The following CALN1 variants were observed in gnomAD, a reference collection of about 807,000 sequenced individuals.
CALN1 encodes calcium-binding protein 8.
Under a neutral mutation model 30.6 loss-of-function variants are expected in CALN1, and 17 were observed. The observed-to-expected ratio is 0.56, with a 90% CI of 0.38 to 0.83. The LOEUF is 0.83. Among genes scored for constraint, CALN1 ranks in the 40% least tolerant of loss-of-function variants. CALN1 has a pLI of 0.00. For missense variants in CALN1, 291 were observed against 354.9 expected, an observed-to-expected ratio of 0.82 and a Z score of 1.45; for synonymous variants, 156 against 131.4, an observed-to-expected ratio of 1.19 and a Z score of -1.28.
At position 72,403,265 on chromosome 7, in the gene CALN1, G is replaced by T. The variant is rs1285790616; in HGVS notation, c.105C>A (p.Pro35=). The change falls in exon 2 of 7, where the codon CCC becomes CCA. Residue 35 remains proline (P), a synonymous_variant. Coordinates refer to ENST00000395275, the MANE Select transcript of CALN1 (RefSeq NM_031468.4). The part of the protein sequence containing the change: ...GGEEPPRSQA[P]DFPTWEKMPF... ...AGAAGACTTGCCAGGTGGGGAAGTC[G>T]GGGGCCTGGCTCCTCGGCGGCTCCT... The T allele has an allele frequency of 1.3e-6, 2 of 1,549,350 alleles. No homozygotes were observed. The highest frequency in any genetic ancestry group is 8.7e-7 in the Non-Finnish European group (1 of 1,146,576).
At position 72,036,273 on chromosome 7, in the gene CALN1, CTCTT is replaced by C. The variant is rs1455451725; in HGVS notation, c.389-12508_389-12505del. ...CCTCTCTCTTACGGCTACAAAGATT[CTCTT>C]TGTCTTTGTCTTTTGAAAGCTGATA... is the stretch of plus-strand genomic sequence containing the variant. On this transcript the variant is annotated intron_variant, in intron 4 of 6. Transcript: ENST00000395275. Among the ~76,000 whole-genome samples the C allele has an allele frequency of 6.6e-5, 10 of 152,162 alleles. No individual in the cohort carries two copies. In the East Asian group the frequency reaches 1.9e-3, roughly 29 times the overall value.
At chr7:72,422,625 C>T (rs1372846384) in intron 1 of CALN1, among the ~76,000 whole-genome samples, 3 of 152,214 alleles carry the variant, frequency 2.0e-5, no homozygotes, top group Non-Finnish European at 4.4e-5. Context: ...TATTCCCTCC[C>T]AGTGAGATTC....
upstream of CALN1, among the ~76,000 whole-genome samples, chr7:72,413,742 CAT>C (rs1189635381): frequency 6.6e-6 from 1 of 151,322 alleles, no homozygotes; most frequent in African/African-American, 2.4e-5. Context: ...ACGCACAGCA[CAT>C]ATGCACACAC....
chr7:72,306,372 ATCTGTC>A (rs895640438), intron 2 of CALN1, among the ~76,000 whole-genome samples: 8 of 152,166 alleles, frequency 5.3e-5, no homozygotes, highest in Non-Finnish European at 1.2e-4. Context: ...TCATCTATCT[ATCTGTC>A]TCTAACGGCA....
intron 4 of CALN1, among the ~76,000 whole-genome samples, chr7:72,043,008 G>C (rs924412810): frequency 6.6e-6 from 1 of 152,140 alleles, no homozygotes; most frequent in Non-Finnish European, 1.5e-5. Context: ...AAAATTTATA[G>C]AAATAAACAT....
intron 5 of CALN1, among the ~76,000 whole-genome samples, chr7:71,879,835 G>C (rs1197709894): frequency 6.6e-6 from 1 of 152,166 alleles, no homozygotes; most frequent in Non-Finnish European, 1.5e-5. Context: ...GACTGAGAAG[G>C]AGTTTCTCAC....
chr7:72,126,545 G>C (rs1378541948), intron 3 of CALN1, among the ~76,000 whole-genome samples: 1 of 151,978 alleles, frequency 6.6e-6, no homozygotes, highest in Admixed American at 6.5e-5. Flanking sequence ...TGAGATTCTG[G>C]TGCACCTGTC....
rs1173448154 is a variant in CALN1, at chr7:71,978,262, C to CTATT, written c.501+45394_501+45395insAATA. On this transcript the variant is annotated intron_variant, in intron 5 of 6. Transcript: ENST00000395275. ...AAAAACTCAGGGACTCTAGAGAATT[C>CTATT]TTTTTTTTTTTTTTTTTTTTTTTTT... is the stretch of plus-strand genomic sequence containing the variant. 1.4e-4 allele frequency among the ~76,000 whole-genome samples: 10 copies of CTATT among 72,936 alleles called. 1 individual carries two copies. The highest frequency in any genetic ancestry group is 5.6e-4 in the South Asian group (1 of 1,798). 47.8% of individuals were successfully genotyped at this position (72,936 alleles called of 152,430 possible).
chr7:72,066,300 G>A (rs1804017909), intron 4 of CALN1, among the ~76,000 whole-genome samples: 1 of 152,156 alleles, frequency 6.6e-6, no homozygotes, highest in Non-Finnish European at 1.5e-5. Context: ...AGAGCCCTGG[G>A]GCACGTTACT....
At chr7:72,246,015 C>T (rs1313770157) in intron 3 of CALN1, among the ~76,000 whole-genome samples, 1 of 152,176 alleles carries the variant, frequency 6.6e-6, no homozygotes, top group Non-Finnish European at 1.5e-5. Context: ...AAGATGTACC[C>T]AGCCTCCTTT....
chr7:72,403,196 T>TA (rs1278705383), intron 2 of CALN1, 55 bp downstream of exon 2: 3 of 1,425,230 alleles, frequency 2.1e-6, no homozygotes, highest in Non-Finnish European at 1.9e-6. Context: ...CGCCACCCCC[T>TA]ACCTGAGGGC....
chr7:72,310,393 C>G (rs993937316), intron 2 of CALN1, among the ~76,000 whole-genome samples: 1 of 149,326 alleles, frequency 6.7e-6, no homozygotes, highest in African/African-American at 2.5e-5. Context: ...ATTCGAGATA[C>G]TACCTAATAA....
At chr7:72,172,700 T>C (rs1188178794) in intron 3 of CALN1, among the ~76,000 whole-genome samples, 1 of 152,222 alleles carries the variant, frequency 6.6e-6, no homozygotes, top group East Asian at 1.9e-4. Context: ...CTTACGACCA[T>C]TTCAATGACT....
At chr7:72,260,238 C>T (rs1435820246) in intron 3 of CALN1, among the ~76,000 whole-genome samples, 1 of 152,152 alleles carries the variant, frequency 6.6e-6, no homozygotes, top group Non-Finnish European at 1.5e-5. Flanking sequence ...AAGCCCTGTG[C>T]AGTGATAAGA....
intron 6 of CALN1, among the ~76,000 whole-genome samples, chr7:71,793,399 G>A (rs1276346153): frequency 1.3e-5 from 2 of 152,192 alleles, no homozygotes; most frequent in Middle Eastern, 3.2e-3. Flanking sequence ...TCAGTACCCT[G>A]TGCTTTGAAG....
At chr7:72,397,748 A>ACACACC (rs1316537371) in intron 2 of CALN1, among the ~76,000 whole-genome samples, 2 of 149,198 alleles carry the variant, frequency 1.3e-5, no homozygotes, top group East Asian at 2.0e-4. Context: ...ACACACACAC[A>ACACACC]CACCTTGCTC....
At chr7:72,368,808 CCTT>C (rs1404240273) in intron 2 of CALN1, among the ~76,000 whole-genome samples, 9 of 145,306 alleles carry the variant, frequency 6.2e-5, no homozygotes, top group East Asian at 2.0e-4. Flanking sequence ...GGTTTGAAAC[CCTT>C]TTTTTTTTTT....
chr7:71,940,134 C>T (rs1796051509), intron 5 of CALN1, among the ~76,000 whole-genome samples: 1 of 152,138 alleles, frequency 6.6e-6, no homozygotes, highest in African/African-American at 2.4e-5. Context: ...GGGTTCCTCC[C>T]TTTTTCCAGG....
At chr7:72,333,945 G>A (rs145805965) in intron 2 of CALN1, among the ~76,000 whole-genome samples, 2 of 152,106 alleles carry the variant, frequency 1.3e-5, no homozygotes, top group African/African-American at 2.4e-5. Context: ...CAGGTCAAAG[G>A]TTCCCAAAAT....
Sources: allele counts gnomAD v4.1 joint callset (sites outside exome capture counted in the v4.1 genomes callset), GRCh38; gene constraint gnomAD v4.1.1; transcripts MANE v1.5; gene names NCBI Gene and HGNC (gene_info 2026-07-23, HGNC 2026-07-21).